Variants in PPP1R12B observed in about 807,000 individuals in gnomAD.
The protein encoded by PPP1R12B is protein phosphatase 1 regulatory subunit 12B.
Under a neutral mutation model 126.1 loss-of-function variants are expected in PPP1R12B, and 76 were observed. The observed-to-expected ratio is 0.60, with a 90% confidence interval of 0.50 to 0.73. The LOEUF (loss-of-function observed/expected upper bound fraction) is 0.73, where lower values mean the gene tolerates loss of function less well. Ranked by LOEUF, PPP1R12B falls within the 30% of genes least tolerant of loss-of-function variation. The pLI, the probability that PPP1R12B is intolerant of heterozygous loss-of-function variation, is 0.00. For missense variants in PPP1R12B, 1,052 were observed against 1,205.1 expected (o/e 0.87, Z 1.88); for synonymous variants, 356 against 434.7 (o/e 0.82, Z 2.25).
chr1:202,438,988 C>T, intron 10 of PPP1R12B: 2 of 1,494,610 alleles, frequency 1.3e-6, no homozygotes, highest in East Asian at 2.3e-5. Flanking sequence ...AGCGCATGGC[C>T]CTGGCCAACC....
At chr1:202,402,267 C>A (rs1013022569) in intron 1 of PPP1R12B, among the ~76,000 whole-genome samples, 7 of 152,198 alleles carry the variant, frequency 4.6e-5, no homozygotes, top group African/African-American at 1.7e-4. Flanking sequence ...CTCTTACCAA[C>A]AAATCACGGA....
chr1:202,563,939 C>T (rs1572522001), intron 20 of PPP1R12B, among the ~76,000 whole-genome samples: 2 of 152,042 alleles, frequency 1.3e-5, no homozygotes, highest in South Asian at 2.1e-4. Context: ...CATGGTGGCT[C>T]ATGCCTGTAG....
intron 13 of PPP1R12B, among the ~76,000 whole-genome samples, chr1:202,482,299 A>G (rs1407458291): frequency 2.0e-5 from 3 of 152,160 alleles, no homozygotes; most frequent in Middle Eastern, 3.2e-3. Context: ...TTTACGTTTT[A>G]AAGGAACCTC....
chr1:202,518,441 G>T (rs192139653), intron 18 of PPP1R12B, among the ~76,000 whole-genome samples: 1 of 152,272 alleles, frequency 6.6e-6, no homozygotes, highest in Non-Finnish European at 1.5e-5. Flanking sequence ...CCATTTAGGG[G>T]TGTTTCCTTA....
chr1:202,476,937 T>G (rs1676752098), intron 13 of PPP1R12B, among the ~76,000 whole-genome samples: 1 of 152,166 alleles, frequency 6.6e-6, no homozygotes, highest in Non-Finnish European at 1.5e-5. Flanking sequence ...TGATTATTTC[T>G]TTTTTCATTC....
intron 1 of PPP1R12B, among the ~76,000 whole-genome samples, chr1:202,405,476 G>A (rs1033865030): frequency 3.9e-5 from 6 of 152,164 alleles, no homozygotes; most frequent in Non-Finnish European, 7.3e-5. Context: ...GTAGAAAGGA[G>A]GGTCCCTTGT....
chr1:202,538,158 T>G (rs368863649), intron 18 of PPP1R12B, among the ~76,000 whole-genome samples: 3 of 152,186 alleles, frequency 2.0e-5, no homozygotes, highest in African/African-American at 7.2e-5. Flanking sequence ...AATGCCTGGC[T>G]AATTTTTTGT....
At chr1:202,548,012 C>T (rs182290842) in intron 18 of PPP1R12B, among the ~76,000 whole-genome samples, 1 of 152,318 alleles carries the variant, frequency 6.6e-6, no homozygotes, top group African/African-American at 2.4e-5. Context: ...TTTATTGTCT[C>T]ATTTAATACA....
chr1:202,372,089 T>C (rs1660382848), intron 1 of PPP1R12B, among the ~76,000 whole-genome samples: 1 of 152,108 alleles, frequency 6.6e-6, no homozygotes, highest in Admixed American at 6.6e-5. Flanking sequence ...CAGGCTGGTC[T>C]TGAACTCCTG....
At chr1:202,542,152 A>G (rs969437520) in intron 18 of PPP1R12B, among the ~76,000 whole-genome samples, 2 of 152,230 alleles carry the variant, frequency 1.3e-5, no homozygotes, top group Non-Finnish European at 2.9e-5. Flanking sequence ...TGAAGATTTC[A>G]TCTCTTAAGA....
chr1:202,511,506 C>T (rs745507958), intron 18 of PPP1R12B, among the ~76,000 whole-genome samples: 5 of 152,018 alleles, frequency 3.3e-5, no homozygotes, highest in Admixed American at 6.6e-5. Flanking sequence ...TGTGAGCCAC[C>T]GTGCCCGGCA....
At chr1:202,568,045 T>C (rs574015009) in intron 22 of PPP1R12B, among the ~76,000 whole-genome samples, 1 of 152,292 alleles carries the variant, frequency 6.6e-6, no homozygotes, top group Non-Finnish European at 1.5e-5. Context: ...GTCAGTACTT[T>C]CCACATATTT....
intron 13 of PPP1R12B, among the ~76,000 whole-genome samples, chr1:202,454,613 G>A (rs531500277): frequency 1.3e-5 from 2 of 152,272 alleles, no homozygotes; most frequent in East Asian, 3.9e-4. Flanking sequence ...TTATAACAGT[G>A]TCATACCGAA....
chr1:202,501,148 T>G (rs1213191329), intron 18 of PPP1R12B, among the ~76,000 whole-genome samples: 7 of 152,226 alleles, frequency 4.6e-5, no homozygotes, highest in Admixed American at 4.6e-4. Flanking sequence ...ATCCTTTGTC[T>G]TTCTGAATGA....
intron 5 of PPP1R12B, among the ~76,000 whole-genome samples, chr1:202,428,004 G>T (rs1442024424): frequency 1.3e-5 from 2 of 149,948 alleles, no homozygotes; most frequent in African/African-American, 4.9e-5. Flanking sequence ...GAGATGGGGG[G>T]TCTCACTGGT....
intron 1 of PPP1R12B, among the ~76,000 whole-genome samples, chr1:202,369,006 C>T (rs1335079588): frequency 6.6e-6 from 1 of 152,220 alleles, no homozygotes; most frequent in South Asian, 2.1e-4. Context: ...GCATGAGCCA[C>T]TATGCCCAGC....
At chr1:202,455,996 C>T (rs1036635491) in intron 13 of PPP1R12B, among the ~76,000 whole-genome samples, 3 of 152,008 alleles carry the variant, frequency 2.0e-5, no homozygotes, top group African/African-American at 7.3e-5. Context: ...TGGCCAGGCA[C>T]GGTGACTCAT....
intron 1 of PPP1R12B, among the ~76,000 whole-genome samples, chr1:202,355,041 G>A (rs959514946): frequency 3.3e-5 from 5 of 151,718 alleles, no homozygotes; most frequent in African/African-American, 2.4e-5. Flanking sequence ...GGTGGATCAC[G>A]AGGTCAGGAG....
At chr1:202,573,575 T>A (rs942218567) in intron 23 of PPP1R12B, among the ~76,000 whole-genome samples, 6 of 152,114 alleles carry the variant, frequency 3.9e-5, no homozygotes, top group Non-Finnish European at 8.8e-5. Context: ...TGAAACCCCA[T>A]TTGCATAAAA....
Sources: allele counts gnomAD v4.1 joint callset (sites outside exome capture counted in the v4.1 genomes callset), GRCh38; gene constraint gnomAD v4.1.1; transcripts MANE v1.5; gene names NCBI Gene and HGNC (gene_info 2026-07-23, HGNC 2026-07-21).